Variants in IPCEF1 observed in about 807,000 individuals in gnomAD.
IPCEF1 encodes the protein interactor protein for cytohesin exchange factors 1.
IPCEF1 carries 31 observed loss-of-function variants against 50.9 expected under a neutral mutation model. That is an observed-to-expected ratio of 0.61 (90% CI 0.46 to 0.82). The LOEUF is 0.82. Among genes scored for constraint, IPCEF1 ranks in the 40% least tolerant of loss-of-function variants. IPCEF1 has a pLI of 0.00. For synonymous variants in IPCEF1, 181 were observed against 192.0 expected, an observed-to-expected ratio of 0.94 and a Z score of 0.47; for missense variants, 458 against 514.0, an observed-to-expected ratio of 0.89 and a Z score of 1.05.
intron 9 of IPCEF1, among the ~76,000 whole-genome samples, chr6:154,211,293 C>T (rs969845678): frequency 4.6e-5 from 7 of 151,982 alleles, no homozygotes; most frequent in African/African-American, 1.7e-4. Flanking sequence ...GCGAGCACCC[C>T]AGCTACTCGG....
At chr6:154,346,299 A>T (rs1159120412) in intron 1 of IPCEF1, among the ~76,000 whole-genome samples, 1 of 152,234 alleles carries the variant, frequency 6.6e-6, no homozygotes, top group Admixed American at 6.5e-5. Context: ...CATTGGCAAT[A>T]AAATGCATTC....
At chr6:154,196,672 A>G (rs1308446302) in intron 10 of IPCEF1, among the ~76,000 whole-genome samples, 3 of 152,186 alleles carry the variant, frequency 2.0e-5, no homozygotes, top group Non-Finnish European at 2.9e-5. Context: ...AATTTCTAAC[A>G]AAAGAAATGA....
At chr6:154,170,387 A>G (rs184584616) in intron 10 of IPCEF1, among the ~76,000 whole-genome samples, 58 of 152,288 alleles carry the variant, frequency 3.8e-4, no homozygotes, top group African/African-American at 1.3e-3. Context: ...GAGCATCAAA[A>G]CCAAGCAAAC....
intron 2 of IPCEF1, among the ~76,000 whole-genome samples, chr6:154,288,487 C>A (rs1169738379): frequency 9.2e-5 from 14 of 151,370 alleles, no homozygotes; most frequent in African/African-American, 3.4e-4. Context: ...CATGGTGAAA[C>A]CCCTTCTCTA....
At chr6:154,248,306 CGTGTGTGT>C (rs58415100) in intron 3 of IPCEF1, among the ~76,000 whole-genome samples, 10 of 147,346 alleles carry the variant, frequency 6.8e-5, no homozygotes, top group Admixed American at 4.1e-4. Flanking sequence ...CTTTAAAATA[CGTGTGTGT>C]GTGTGTGTGT....
At chr6:154,230,872 G>T (rs1436188059) in intron 5 of IPCEF1, among the ~76,000 whole-genome samples, 1 of 149,310 alleles carries the variant, frequency 6.7e-6, no homozygotes, top group Non-Finnish European at 1.5e-5. Context: ...TTGAATTCAA[G>T]AAAAAAAAAC....
chr6:154,305,979 T>C (rs1439590883), intron 1 of IPCEF1, among the ~76,000 whole-genome samples: 2 of 152,228 alleles, frequency 1.3e-5, no homozygotes, highest in Non-Finnish European at 2.9e-5. Context: ...CTGACTTCCT[T>C]GCTCCTCAAC....
intron 1 of IPCEF1, among the ~76,000 whole-genome samples, chr6:154,313,438 A>G (rs1174178145): frequency 3.9e-5 from 6 of 152,092 alleles, no homozygotes; most frequent in Non-Finnish European, 8.8e-5. Context: ...TTTAAACAAT[A>G]GATAGGTTGT....
chr6:154,314,646 C>T lies in IPCEF1; in HGVS notation c.-61-24890G>A, dbSNP rs569779286. On this transcript the variant is annotated intron_variant, in intron 1 of 11. Transcript: ENST00000367220. Reference sequence around the variant, plus strand: ...TAATTACTGTTTCTAATTGAATTCTCGTATCTATTGATCATCTCCCCAATT... The same window carrying T: ...TAATTACTGTTTCTAATTGAATTCTTGTATCTATTGATCATCTCCCCAATT... Among the ~76,000 whole-genome samples the T allele has an allele frequency of 4.7e-4, 72 of 152,190 alleles. 1 individual carries two copies. The highest frequency in any genetic ancestry group is 1.7e-3 in the African/African-American group (69 of 41,536).
intron 4 of IPCEF1, 108 bp from the exon 5 acceptor site, chr6:154,246,868 C>G: frequency 7.7e-7 from 1 of 1,301,432 alleles, no homozygotes; most frequent in Middle Eastern, 2.1e-4. Context: ...ATTGTTAACC[C>G]CCCGGGGAGC....
In IPCEF1 at chr6:154,295,895, A is replaced by G. The variant is rs933883287; in HGVS notation, c.-61-6139T>C. ...CACACACACACACACACACATGCGT[A>G]CACACACACACACACGCACACACAC... On this transcript the variant is annotated intron_variant, in intron 1 of 11. Coordinates refer to ENST00000367220, the MANE Select transcript of IPCEF1 (RefSeq NM_001130700.2). Among the ~76,000 whole-genome samples the G allele has an allele frequency of 4.1e-4, 21 of 51,752 alleles. No homozygotes were observed. The Admixed American group carries it at 5.8e-3, about 14-fold the overall frequency. The allele number at this position is 51,752 out of a possible 152,430, so 34.0% of individuals were successfully genotyped here. A position where few individuals can be genotyped will look rare whatever the true frequency, so the allele number is the denominator to read the frequency against.
At chr6:154,160,938 T>A (rs1195132112) in intron 11 of IPCEF1, among the ~76,000 whole-genome samples, 1 of 152,164 alleles carries the variant, frequency 6.6e-6, no homozygotes, top group Non-Finnish European at 1.5e-5. Flanking sequence ...CAGGGATGCA[T>A]GTAAATGCCG....
chr6:154,203,837 G>C (rs552378639), intron 9 of IPCEF1, among the ~76,000 whole-genome samples: 1 of 152,270 alleles, frequency 6.6e-6, no homozygotes, highest in East Asian at 1.9e-4. Flanking sequence ...GTGAAGAAAA[G>C]CGCCCCAGAG....
chr6:154,220,032 A>T (rs1200000211), intron 7 of IPCEF1, among the ~76,000 whole-genome samples: 2 of 143,404 alleles, frequency 1.4e-5, no homozygotes, highest in Admixed American at 6.9e-5. Flanking sequence ...GTGTGTGTCC[A>T]TGCACATGTT....
chr6:154,291,570 T>C (rs1165059049), intron 1 of IPCEF1, among the ~76,000 whole-genome samples: 3 of 152,126 alleles, frequency 2.0e-5, no homozygotes, highest in South Asian at 2.1e-4. Flanking sequence ...TGCTGAACCA[T>C]TTGAGTCACT....
chr6:154,190,484 C>T (rs1481684648), intron 10 of IPCEF1, among the ~76,000 whole-genome samples: 2 of 152,058 alleles, frequency 1.3e-5, no homozygotes, highest in Non-Finnish European at 2.9e-5. Context: ...ACTAGCATGG[C>T]GAAAATCCAA....
rs773340844 is a variant in IPCEF1, at chr6:154,212,863, A to C, written c.452-8T>G. On this transcript the variant is annotated splice_polypyrimidine_tract_variant and splice_region_variant and intron_variant, in intron 8 of 11. Coordinates refer to ENST00000367220, the MANE Select transcript of IPCEF1 (RefSeq NM_001130700.2). The stretch of plus-strand genomic sequence containing the variant: ...CACTTTCACTGTAACATTCTATAAC[A>C]AAAATGAAAATGCTTAATGTTTTAA... The C allele has an allele frequency of 6.3e-7, 1 of 1,588,806 alleles. No homozygotes were observed. Among genetic ancestry groups the C allele is most frequent in the South Asian group, 1.1e-5 (1 of 90,478 alleles).
At chr6:154,333,723 G>GTATATATGTGTATGTA (rs982569060) in intron 1 of IPCEF1, among the ~76,000 whole-genome samples, 117 of 151,326 alleles carry the variant, frequency 7.7e-4, no homozygotes, top group African/African-American at 2.8e-3. Context: ...ATGTGTGTAT[G>GTATATATGTGTATGTA]TATATATGTG....
At chr6:154,281,800 C>T (rs1440462827) in intron 2 of IPCEF1, among the ~76,000 whole-genome samples, 2 of 152,008 alleles carry the variant, frequency 1.3e-5, no homozygotes, top group South Asian at 2.1e-4. Flanking sequence ...GTTAGGAGTT[C>T]GAGACCAGCC....
Sources: allele counts gnomAD v4.1 joint callset (sites outside exome capture counted in the v4.1 genomes callset), GRCh38; gene constraint gnomAD v4.1.1; transcripts MANE v1.5; gene names NCBI Gene and HGNC (gene_info 2026-07-23, HGNC 2026-07-21).